The following GRM7 variants were observed in gnomAD, a reference collection of about 807,000 sequenced individuals.
The protein encoded by GRM7 is metabotropic glutamate receptor 7.
Under a neutral mutation model 84.5 loss-of-function variants are expected in GRM7, and 35 were observed. That is an observed-to-expected ratio of 0.41 (90% CI 0.32 to 0.55). The LOEUF (loss-of-function observed/expected upper bound fraction) is 0.55, where lower values mean the gene tolerates loss of function less well. GRM7 is among the 20% of genes least tolerant of loss of function. The pLI is 0.19. For missense variants in GRM7, 1,003 were observed against 1,194.6 expected (o/e 0.84, Z 2.36); for synonymous variants, 487 against 455.1 (o/e 1.07, Z -0.89).
intron 1 of GRM7, among the ~76,000 whole-genome samples, chr3:6,963,163 G>A (rs935366925): frequency 2.2e-4 from 33 of 152,172 alleles, no homozygotes; most frequent in African/African-American, 6.8e-4. Context: ...GGGTATAACT[G>A]CTGCTTCAGC....
intron 1 of GRM7, among the ~76,000 whole-genome samples, chr3:6,999,188 G>T (rs1348025508): frequency 6.6e-6 from 1 of 152,132 alleles, no homozygotes; most frequent in Non-Finnish European, 1.5e-5. Context: ...TCTAGGGCAG[G>T]GGGAAAATGC....
At chr3:7,240,489 T>C (rs62234914) in intron 2 of GRM7, among the ~76,000 whole-genome samples, 41 of 152,134 alleles carry the variant, frequency 2.7e-4, no homozygotes, top group Non-Finnish European at 4.9e-4. Flanking sequence ...ATTTAAAATA[T>C]GAATGAAGGA....
At chr3:7,065,388 A>C (rs1417415516) in intron 1 of GRM7, among the ~76,000 whole-genome samples, 1 of 151,926 alleles carries the variant, frequency 6.6e-6, no homozygotes, top group African/African-American at 2.4e-5. Context: ...ACAAGGATCC[A>C]GTTTCATTCT....
chr3:6,987,446 T>C (rs1032223159), intron 1 of GRM7, among the ~76,000 whole-genome samples: 1 of 151,482 alleles, frequency 6.6e-6, no homozygotes, highest in Non-Finnish European at 1.5e-5. Flanking sequence ...TATTTGGTAC[T>C]GCTCTAAACA....
intron 4 of GRM7, among the ~76,000 whole-genome samples, chr3:7,356,711 T>C (rs532592733): frequency 6.6e-6 from 1 of 152,268 alleles, no homozygotes; most frequent in South Asian, 2.1e-4. Context: ...TGTTGTTCTT[T>C]GGCCTTTGGA....
intron 5 of GRM7, among the ~76,000 whole-genome samples, chr3:7,433,461 A>C (rs945085476): frequency 2.6e-5 from 4 of 152,174 alleles, no homozygotes; most frequent in African/African-American, 9.7e-5. Flanking sequence ...ACAATAACTG[A>C]GTCTTCAGTA....
rs370212342 is a variant in GRM7, at chr3:7,110,591, T to TCACACACACA, written c.520-35849_520-35840dup. Among the ~76,000 whole-genome samples the TCACACACACA allele has an allele frequency of 4.5e-3, 647 of 143,738 alleles. 3 individuals are homozygous for TCACACACACA. The highest frequency in any genetic ancestry group is 0.014 in the African/African-American group (548 of 39,200). The allele number at this position is 143,738 out of a possible 152,430, so 94.3% of individuals were successfully genotyped here. On this transcript the variant is annotated intron_variant, in intron 1 of 9. Coordinates refer to ENST00000357716, the MANE Select transcript of GRM7 (RefSeq NM_000844.4). Reference sequence around the variant, plus strand: ...ACCTGGGCAAGAGAGCGATACTCTGTCACACACACACACACACACACGCAC... The same window carrying TCACACACACA: ...ACCTGGGCAAGAGAGCGATACTCTGTCACACACACACACACACACACACACACACACGCAC...
intron 1 of GRM7, among the ~76,000 whole-genome samples, chr3:7,018,835 G>A (rs1461516814): frequency 1.3e-5 from 2 of 152,208 alleles, no homozygotes; most frequent in South Asian, 2.1e-4. Flanking sequence ...CGTGGCTCAC[G>A]CCTGTAATCT....
chr3:7,689,613 A>G (rs1357532820), intron 9 of GRM7, among the ~76,000 whole-genome samples: 2 of 152,216 alleles, frequency 1.3e-5, no homozygotes, highest in Non-Finnish European at 2.9e-5. Flanking sequence ...TTGGTTCTGC[A>G]ACTGCCGTCT....
chr3:7,506,484 T>C (rs1485519360), intron 7 of GRM7, among the ~76,000 whole-genome samples: 1 of 152,218 alleles, frequency 6.6e-6, no homozygotes, highest in Non-Finnish European at 1.5e-5. Flanking sequence ...TCCACATTAC[T>C]AGGTATTTGT....
chr3:7,630,885 T>G (rs569329700), intron 8 of GRM7, among the ~76,000 whole-genome samples: 20 of 152,338 alleles, frequency 1.3e-4, no homozygotes, highest in Admixed American at 5.2e-4. Context: ...TCATTGCTGT[T>G]AAGTGTTAAG....
chr3:6,997,005 T>C (rs892140392), intron 1 of GRM7, among the ~76,000 whole-genome samples: 2 of 152,172 alleles, frequency 1.3e-5, no homozygotes, highest in African/African-American at 4.8e-5. Context: ...ACTTGCAGTG[T>C]AGTAAGAAGT....
chr3:7,662,311 C>A (rs1005022962), intron 8 of GRM7, among the ~76,000 whole-genome samples: 14 of 152,182 alleles, frequency 9.2e-5, no homozygotes, highest in Non-Finnish European at 1.3e-4. Context: ...ACTATCTTGA[C>A]TATAGTGATT....
rs545877382 is a variant in GRM7, at chr3:7,094,004, C to T, written c.520-52448C>T. The stretch of plus-strand genomic sequence containing the variant: ...TTTAGGTAGCCATCTTTCCATCTTG[C>T]TATTGGACTCTTTAATTACTCTCTT... On this transcript the variant is annotated intron_variant, in intron 1 of 9. Coordinates refer to ENST00000357716, the MANE Select transcript of GRM7 (RefSeq NM_000844.4). Among the ~76,000 whole-genome samples, 10 of 152,126 alleles carry T rather than the reference C, an allele frequency of 6.6e-5. No individual in the cohort carries two copies. The East Asian group carries it at 1.9e-3, about 29-fold the overall frequency.
intron 7 of GRM7, among the ~76,000 whole-genome samples, chr3:7,462,396 C>T (rs1456405485): frequency 6.6e-6 from 1 of 152,192 alleles, no homozygotes; most frequent in East Asian, 1.9e-4. Context: ...TTCAAATGTT[C>T]ATCTAATCCA....
intron 1 of GRM7, among the ~76,000 whole-genome samples, chr3:6,920,842 C>T (rs533150546): frequency 7.2e-5 from 11 of 152,220 alleles, no homozygotes; most frequent in Non-Finnish European, 1.6e-4. Context: ...TATATTATTT[C>T]ATTTTGCTTC....
At chr3:6,877,610 T>C (rs1395344966) in intron 1 of GRM7, among the ~76,000 whole-genome samples, 1 of 152,000 alleles carries the variant, frequency 6.6e-6, no homozygotes. Context: ...AAACCAGTGG[T>C]TTTTCAAATT....
intron 2 of GRM7, among the ~76,000 whole-genome samples, chr3:7,224,561 G>A (rs535795374): frequency 2.2e-4 from 34 of 152,318 alleles, no homozygotes; most frequent in African/African-American, 6.5e-4. Flanking sequence ...GCCGACCCAT[G>A]TTTTAGGTCC....
chr3:7,364,794 C>G (rs1281132709), intron 4 of GRM7, among the ~76,000 whole-genome samples: 1 of 151,810 alleles, frequency 6.6e-6, no homozygotes, highest in Non-Finnish European at 1.5e-5. Flanking sequence ...ATTTTTAATG[C>G]AAGTGCTTAT....
Sources: gnomAD v4.1 joint callset for allele counts (sites outside exome capture counted in the v4.1 genomes callset) on GRCh38, gnomAD v4.1.1 for gene constraint, MANE v1.5 for transcripts, NCBI Gene and HGNC (gene_info 2026-07-23, HGNC 2026-07-21) for gene names.